ZNF723: variants seen among roughly 807,000 people sequenced by gnomAD.
ZNF723 encodes zinc finger protein 723, also known as zinc finger protein 723, pseudogene.
A neutral mutation model predicts 9.4 loss-of-function variants in ZNF723; 5 were observed. That is an observed-to-expected ratio of 0.53 (90% confidence interval 0.28 to 1.12). The LOEUF is 1.12. ZNF723 is among the 50% of genes most tolerant of loss of function. ZNF723 has a pLI of 0.10. For synonymous variants in ZNF723, 158 were observed against 168.8 expected, an observed-to-expected ratio of 0.94 and a Z score of 0.49; for missense variants, 450 against 501.5, an observed-to-expected ratio of 0.90 and a Z score of 0.98.
the ZNF723 span, among the ~76,000 whole-genome samples, chr19:22,823,792 C>T: frequency 6.6e-6 from 1 of 152,228 alleles, no homozygotes; most frequent in Non-Finnish European, 1.5e-5. Flanking sequence ...ATTTCTGAAT[C>T]CAGCACGTGG....
At chr19:22,812,981 G>A in the ZNF723 span, among the ~76,000 whole-genome samples, 1 of 144,184 alleles carries the variant, frequency 6.9e-6, no homozygotes, top group African/African-American at 2.5e-5. Context: ...TTTTTGTTTT[G>A]TTTTGTTTTT....
At chr19:22,846,062 T>C (rs1254752742) in intron 1 of ZNF723, among the ~76,000 whole-genome samples, 1 of 152,164 alleles carries the variant, frequency 6.6e-6, no homozygotes, top group African/African-American at 2.4e-5. Context: ...CAAGGGTCTC[T>C]GAACAATATT....
upstream of ZNF723, among the ~76,000 whole-genome samples, chr19:22,831,150 A>G (rs1189415326): frequency 6.6e-6 from 1 of 152,212 alleles, no homozygotes; most frequent in Non-Finnish European, 1.5e-5. Flanking sequence ...CTGTTTTACA[A>G]AGCTTAAATC....
intron 3 of ZNF723, among the ~76,000 whole-genome samples, chr19:22,855,161 T>A (rs1321799722): frequency 6.6e-6 from 1 of 152,148 alleles, no homozygotes; most frequent in Non-Finnish European, 1.5e-5. Flanking sequence ...GGTAGGAAAT[T>A]TCATTTTTAT....
chr19:22,826,716 T>C, the ZNF723 span, among the ~76,000 whole-genome samples: 1 of 152,228 alleles, frequency 6.6e-6, no homozygotes, highest in African/African-American at 2.4e-5. Flanking sequence ...ATAACTGTCA[T>C]ACCTGGATCC....
At chr19:22,839,675 A>G (rs950621923) in intron 1 of ZNF723, among the ~76,000 whole-genome samples, 3 of 151,844 alleles carry the variant, frequency 2.0e-5, no homozygotes, top group Non-Finnish European at 2.9e-5. Context: ...GGGTTTCACC[A>G]TGTTGTCCAG....
chr19:22,825,164 C>G, the ZNF723 span, among the ~76,000 whole-genome samples: 1 of 152,154 alleles, frequency 6.6e-6, no homozygotes, highest in Admixed American at 6.6e-5. Flanking sequence ...TTGTGACTCT[C>G]ATATGTGGAT....
In ZNF723 at chr19:22,839,906, C is replaced by T. The variant is rs534340430; in HGVS notation, c.3+7524C>T. 1.3e-4 allele frequency among the ~76,000 whole-genome samples: 20 copies of T among 152,214 alleles called. No individual in the cohort carries two copies. In the South Asian group the frequency reaches 1.7e-3, roughly 13 times the overall value. On this transcript the variant is annotated intron_variant, in intron 1 of 3. Coordinates refer to ENST00000600766, the MANE Select transcript of ZNF723 (RefSeq NM_001349726.2). ...TTTTTTCATATGCTTGTTAGCCACACGTATGCCTCCTTTTGAAAAGCATCC... is the reference window on the plus strand; with the variant it reads ...TTTTTTCATATGCTTGTTAGCCACATGTATGCCTCCTTTTGAAAAGCATCC...
At chr19:22,837,847 T>G (rs1967186783) in intron 1 of ZNF723, among the ~76,000 whole-genome samples, 1 of 152,132 alleles carries the variant, frequency 6.6e-6, no homozygotes, top group Admixed American at 6.5e-5. Context: ...TGTCTACAAA[T>G]TTTTGGCATA....
At chr19:22,825,071 T>C in the ZNF723 span, among the ~76,000 whole-genome samples, 1 of 152,108 alleles carries the variant, frequency 6.6e-6, no homozygotes, top group Non-Finnish European at 1.5e-5. Context: ...CCCACCCAAA[T>C]GTAAAAGTTG....
At chr19:22,846,220 T>A (rs1367582151) in intron 1 of ZNF723, among the ~76,000 whole-genome samples, 2 of 152,166 alleles carry the variant, frequency 1.3e-5, no homozygotes, top group Admixed American at 6.5e-5. Flanking sequence ...AAGATTCCTG[T>A]TGGGGAAAAG....
the ZNF723 span, among the ~76,000 whole-genome samples, chr19:22,819,577 C>T: frequency 6.6e-6 from 1 of 152,224 alleles, no homozygotes; most frequent in Non-Finnish European, 1.5e-5. Flanking sequence ...CTGACCCCTG[C>T]CATCTAGGGT....
At chr19:22,839,038 C>T (rs1047620832) in intron 1 of ZNF723, among the ~76,000 whole-genome samples, 5 of 152,202 alleles carry the variant, frequency 3.3e-5, no homozygotes, top group Middle Eastern at 3.4e-3. Flanking sequence ...TGAGCCACCA[C>T]GCCCGGCCTT....
At chr19:22,828,449 T>C (rs12981932), upstream of ZNF723, among the ~76,000 whole-genome samples, 1 of 152,078 alleles carries the variant, frequency 6.6e-6, no homozygotes, top group African/African-American at 2.4e-5. Flanking sequence ...GGTCAGGAGA[T>C]GGAGACCATC....
chr19:22,857,332 T>A lies in ZNF723; in HGVS notation c.441T>A (p.Cys147Ter). 1 of 820,064 alleles carries A rather than the reference T, an allele frequency of 1.2e-6. No homozygotes were observed. Among genetic ancestry groups the A allele is most frequent in the Non-Finnish European group, 2.2e-6 (1 of 458,578 alleles). 50.8% of individuals were successfully genotyped at this position (820,064 alleles called of 1,614,324 possible). The stretch of plus-strand genomic sequence containing the variant: ...CTACCCCGAGCAAAATATTTCAATG[T>A]GATAAATATGTAAAAGTCTTTCATA... ...LTTTPSKIFQCDKYVKVFHKF... is the reference protein window; with the variant it reads ...LTTTPSKIFQ Residue 147 changes from cysteine to a stop codon, truncating the protein, a stop_gained, in exon 4 of 4, where the codon TGT (cysteine) becomes TGA (stop). Transcript: ENST00000600766. LOFTEE classifies it low-confidence loss of function (END_TRUNC).
intron 1 of ZNF723, among the ~76,000 whole-genome samples, chr19:22,836,395 T>C (rs1404980681): frequency 5.3e-5 from 8 of 152,152 alleles, no homozygotes; most frequent in Admixed American, 5.2e-4. Context: ...AAAAATTAAA[T>C]TCTAAAGGAG....
upstream of ZNF723, among the ~76,000 whole-genome samples, chr19:22,829,412 C>T (rs750817218): frequency 6.6e-5 from 10 of 151,548 alleles, no homozygotes; most frequent in Non-Finnish European, 1.5e-4. Flanking sequence ...CAGCTTCTGG[C>T]GTAGCTGGGA....
At chr19:22,840,056 A>G (rs1019868819) in intron 1 of ZNF723, among the ~76,000 whole-genome samples, 2 of 152,116 alleles carry the variant, frequency 1.3e-5, no homozygotes, top group African/African-American at 2.4e-5. Context: ...ATATTATTCT[A>G]TTCTGTAGGT....
chr19:22,819,663 G>A, the ZNF723 span, among the ~76,000 whole-genome samples: 3 of 152,218 alleles, frequency 2.0e-5, no homozygotes, highest in Non-Finnish European at 4.4e-5. Flanking sequence ...ACCACAGAAA[G>A]CATTGCAACA....
Sources: gnomAD v4.1 joint callset for allele counts (sites outside exome capture counted in the v4.1 genomes callset) on GRCh38, gnomAD v4.1.1 for gene constraint, MANE v1.5 for transcripts, NCBI Gene and HGNC (gene_info 2026-07-23, HGNC 2026-07-21) for gene names.